The following NRIP1 variants were observed in gnomAD, a reference collection of about 807,000 sequenced individuals.
NRIP1 encodes the protein nuclear receptor-interacting protein 1.
NRIP1 carries 28 observed loss-of-function variants against 75.0 expected under a neutral mutation model. The observed-to-expected ratio is 0.37, with a 90% CI of 0.28 to 0.51. The LOEUF is 0.51. NRIP1 is among the 20% of genes least tolerant of loss of function. The probability of loss-of-function intolerance (pLI) is 0.92; values close to 1 mark genes in which losing one functional copy is unlikely to be tolerated. For missense variants in NRIP1, 1,435 were observed against 1,343.7 expected (o/e 1.07, Z -1.06); for synonymous variants, 526 against 487.6 (o/e 1.08, Z -1.04).
chr21:14,989,856 G>C (rs1425025923), intron 3 of NRIP1, among the ~76,000 whole-genome samples: 4 of 151,476 alleles, frequency 2.6e-5, no homozygotes, highest in African/African-American at 4.9e-5. Flanking sequence ...TATTCAAAAA[G>C]AACAATTCAT....
chr21:15,044,884 C>A (rs780013411), intron 1 of NRIP1, among the ~76,000 whole-genome samples: 1 of 152,124 alleles, frequency 6.6e-6, no homozygotes, highest in Non-Finnish European at 1.5e-5. Context: ...CAGCATGGTG[C>A]AAGGTATACA....
chr21:14,992,213 T>G (rs1190525379), intron 3 of NRIP1: 1 of 152,068 alleles, frequency 6.6e-6, no homozygotes, highest in African/African-American at 2.4e-5. Flanking sequence ...TAATTTTACA[T>G]GTTTGTTTGT....
intron 3 of NRIP1, among the ~76,000 whole-genome samples, chr21:15,009,867 AAGTG>A (rs1179675456): frequency 6.6e-6 from 1 of 152,220 alleles, no homozygotes; most frequent in Non-Finnish European, 1.5e-5. Context: ...AAGACAATAA[AAGTG>A]AGTTACTAAA....
intron 1 of NRIP1, among the ~76,000 whole-genome samples, chr21:15,061,018 T>C (rs1022883397): frequency 8.5e-5 from 13 of 152,156 alleles, no homozygotes; most frequent in African/African-American, 3.1e-4. Flanking sequence ...TACTACAGGA[T>C]GAGCCTGCTC....
chr21:15,051,487 C>G (rs2089201659), intron 1 of NRIP1: 1 of 152,370 alleles, frequency 6.6e-6, no homozygotes. Context: ...CAAAAACACT[C>G]CATTTAAAAT....
At position 14,967,509 on chromosome 21, in the gene NRIP1, C is replaced by T. The variant is rs150834233; in HGVS notation, c.684G>A (p.Lys228=). The T allele has an allele frequency of 1.9e-6, 3 of 1,614,104 alleles. No individual in the cohort carries two copies. Among genetic ancestry groups the T allele is most frequent in the Non-Finnish European group, 2.5e-6 (3 of 1,180,014 alleles). Reference sequence around the variant, plus strand: ...CACATGACAACGGTTCACTCATGACCTTTGTTCCACTTTGTCCAACATGAT... The same window carrying T: ...CACATGACAACGGTTCACTCATGACTTTTGTTCCACTTTGTCCAACATGAT... ...SPHHVGQSGT[K]VMSEPLSCAA... is the part of the protein sequence containing the mutation. Residue 228 remains lysine (K), a synonymous_variant, in exon 4 of 4, where the codon AAG becomes AAA. Transcript: ENST00000318948.
intron 2 of NRIP1, among the ~76,000 whole-genome samples, chr21:15,036,587 G>T (rs1274936623): frequency 1.4e-5 from 2 of 146,872 alleles, no homozygotes; most frequent in Non-Finnish European, 3.0e-5. Context: ...AGATTTTGGG[G>T]GTTTTTTTGG....
rs772366287 is a variant in NRIP1, at chr21:14,966,818, A to G, written c.1375T>C (p.Ser459Pro). 1 of 1,614,152 alleles carries G rather than the reference A, an allele frequency of 6.2e-7. No individual in the cohort carries two copies. The highest frequency in any genetic ancestry group is 1.1e-5 in the South Asian group (1 of 91,082). The part of the protein sequence containing the change: ...TEKSESDQPV[S>P]LDNFTQSLLN... ...AAGGATTGAGTGAAGTTATCCAGGG[A>G]AACAGGTTGGTCAGATTCTGATTTT... The change falls in exon 4 of 4, where the codon TCC (serine) becomes CCC (proline). Residue 459 changes from serine to proline, a missense_variant. Physicochemically the swap from Ser to Pro is moderately conservative, Grantham distance 74 (BLOSUM62 -1). Coordinates refer to ENST00000318948, the MANE Select transcript of NRIP1 (RefSeq NM_003489.4).
In NRIP1 at chr21:14,962,538, A is replaced by AT. The variant is rs764889723; in HGVS notation, c.*2177dup. 6.6e-6 allele frequency: 1 copy of AT among 152,398 alleles called. No homozygotes were observed. Among genetic ancestry groups the AT allele is most frequent in the Non-Finnish European group, 1.5e-5 (1 of 67,900 alleles). The allele number at this position is 152,398 out of a possible 1,614,324, so 9.4% of individuals were successfully genotyped here. A position where few individuals can be genotyped will look rare whatever the true frequency, so the allele number is the denominator to read the frequency against. Reference sequence around the variant, plus strand: ...CCCCTACCCAAGGGAGAATACCAACATATTTTTTCTGACATACCTCTAAGG... The same window carrying AT: ...CCCCTACCCAAGGGAGAATACCAACATTATTTTTTCTGACATACCTCTAAGG... On this transcript the variant is annotated 3_prime_UTR_variant, in exon 4 of 4. Transcript: ENST00000318948.
chr21:14,982,494 C>T (rs2087265128), intron 3 of NRIP1, among the ~76,000 whole-genome samples: 1 of 152,112 alleles, frequency 6.6e-6, no homozygotes, highest in Non-Finnish European at 1.5e-5. Flanking sequence ...ACAACTAGGA[C>T]ATTTCTTTCA....
chr21:15,018,719 C>G (rs370011321), intron 2 of NRIP1, among the ~76,000 whole-genome samples: 1 of 151,996 alleles, frequency 6.6e-6, no homozygotes, highest in Admixed American at 6.5e-5. Context: ...ACTGAAGGGA[C>G]GGAGAACACA....
At position 14,968,477 on chromosome 21, in the gene NRIP1, C is replaced by A; in HGVS notation, c.-285G>T. 3.4e-6 allele frequency: 1 copy of A among 293,548 alleles called. No individual in the cohort carries two copies. Among genetic ancestry groups the A allele is most frequent in the Non-Finnish European group, 6.7e-6 (1 of 148,660 alleles). 18.2% of individuals were successfully genotyped at this position (293,548 alleles called of 1,614,324 possible). On this transcript the variant is annotated 5_prime_UTR_variant, in exon 4 of 4. An upstream open reading frame in the 5' UTR gains an earlier in-frame stop. Transcript: ENST00000318948. ...AGATAGAATCCTTAGTGAATATATT[C>A]CTTTTCCTTCTTCATCTTTTGTTCC...
intron 3 of NRIP1, among the ~76,000 whole-genome samples, chr21:14,991,603 C>T (rs2087573470): frequency 6.6e-6 from 1 of 152,100 alleles, no homozygotes; most frequent in South Asian, 2.1e-4. Flanking sequence ...TTTCACCTCC[C>T]CTATTACCCA....
At chr21:15,010,630 T>C (rs368232936) in intron 3 of NRIP1, among the ~76,000 whole-genome samples, 130 of 152,374 alleles carry the variant, frequency 8.5e-4, no homozygotes, top group African/African-American at 3.0e-3. Context: ...GAAGGTCTAT[T>C]ACTTTTCTAT....
chr21:14,973,603 A>G (rs971764957), intron 3 of NRIP1, among the ~76,000 whole-genome samples: 1 of 152,160 alleles, frequency 6.6e-6, no homozygotes, highest in Non-Finnish European at 1.5e-5. Context: ...AAAATTTAGT[A>G]TAACATTCAG....
chr21:15,063,383 C>A (rs887993535), intron 1 of NRIP1, among the ~76,000 whole-genome samples: 5 of 152,164 alleles, frequency 3.3e-5, no homozygotes, highest in Non-Finnish European at 5.9e-5. Flanking sequence ...AGATGAAACA[C>A]CATTTGTTTA....
chr21:14,968,704 G>A (rs1483158257), intron 3 of NRIP1, among the ~76,000 whole-genome samples, 178 bp from the exon 4 acceptor site: 2 of 152,004 alleles, frequency 1.3e-5, no homozygotes, highest in Admixed American at 6.6e-5. Context: ...CTATTCAATT[G>A]AAAATGTCTA....
At chr21:14,989,381 C>A (rs1389558420) in intron 3 of NRIP1, among the ~76,000 whole-genome samples, 1 of 152,170 alleles carries the variant, frequency 6.6e-6, no homozygotes, top group African/African-American at 2.4e-5. Context: ...GAGGGGCCTG[C>A]ACTAACCAAT....
intron 3 of NRIP1, among the ~76,000 whole-genome samples, chr21:14,975,671 G>C (rs546877128): frequency 2.7e-5 from 3 of 112,522 alleles, no homozygotes; most frequent in African/African-American, 1.2e-4. Context: ...GAGAGAGAGA[G>C]AAAGAAAGAA....
Sources: allele counts gnomAD v4.1 joint callset (sites outside exome capture counted in the v4.1 genomes callset), GRCh38; gene constraint gnomAD v4.1.1; transcripts MANE v1.5; gene names NCBI Gene and HGNC (gene_info 2026-07-23, HGNC 2026-07-21).